The following HELLS variants were observed in gnomAD, a reference collection of about 807,000 sequenced individuals.
HELLS encodes the protein lymphoid-specific helicase.
A neutral mutation model predicts 120.0 loss-of-function variants in HELLS; 32 were observed. That is an observed-to-expected ratio of 0.27 (90% CI 0.20 to 0.36). The LOEUF (loss-of-function observed/expected upper bound fraction) is 0.36, where lower values mean the gene tolerates loss of function less well. Among genes scored for constraint, HELLS ranks in the 10% least tolerant of loss-of-function variants. The pLI, the probability that HELLS is intolerant of heterozygous loss-of-function variation, is 1.00. For missense variants in HELLS, 650 were observed against 993.4 expected (o/e 0.65, Z 4.65); for synonymous variants, 341 against 323.4 (o/e 1.05, Z -0.58).
intron 6 of HELLS, among the ~76,000 whole-genome samples, chr10:94,564,972 C>T (rs1370002007): frequency 6.6e-6 from 1 of 152,162 alleles, no homozygotes. Context: ...AACTCTAGCT[C>T]TTCAGAAGAA....
intron 2 of HELLS, among the ~76,000 whole-genome samples, chr10:94,550,355 T>C (rs1243667900): frequency 6.6e-6 from 1 of 152,116 alleles, no homozygotes; most frequent in East Asian, 1.9e-4. Flanking sequence ...CTTGGCTCAC[T>C]GCGACCTTCA....
rs186668734 is a variant in HELLS, at chr10:94,553,896, A to G, written c.154-230A>G. ...TTCCAACTCAGTAGTGCCAGAAACC[A>G]TGTGTTCAATATTTGAAATTATAAT... On this transcript the variant is annotated intron_variant, in intron 2 of 21. Transcript: ENST00000348459. Among the ~76,000 whole-genome samples the G allele has an allele frequency of 1.6e-3, 245 of 152,246 alleles. 1 individual carries two copies. Among genetic ancestry groups the G allele is most frequent in the Non-Finnish European group, 2.7e-3 (187 of 68,028 alleles).
rs779795210 is a variant in HELLS at position 94,590,704 on chromosome 10, G to A, written c.1695G>A (p.Met565Ile). 1.2e-6 allele frequency: 2 copies of A among 1,606,486 alleles called. No homozygotes were observed. The highest frequency in any genetic ancestry group is 2.2e-5 in the South Asian group (2 of 90,604). The part of the protein sequence containing the change: ...EVNLKLQNIM[M>I]LLRKCCNHPY... ...ATCTGAAGCTGCAGAATATAATGATGCTACTTCGTAAATGTTGTAATCATC... is the reference window on the plus strand; with the variant it reads ...ATCTGAAGCTGCAGAATATAATGATACTACTTCGTAAATGTTGTAATCATC... The change falls in exon 15 of 22, where the codon ATG becomes ATA. Residue 565 changes from methionine to isoleucine, a missense_variant. Physicochemically the swap from Met to Ile is conservative, Grantham distance 10. Transcript: ENST00000348459.
intron 4 of HELLS, among the ~76,000 whole-genome samples, chr10:94,559,168 G>T (rs1397322216): frequency 6.6e-6 from 1 of 152,118 alleles, no homozygotes; most frequent in Non-Finnish European, 1.5e-5. Flanking sequence ...TCAAACATGG[G>T]TTGCTGTTCT....
At chr10:94,596,418 T>C (rs1177395230) in intron 19 of HELLS, among the ~76,000 whole-genome samples, 1 of 152,152 alleles carries the variant, frequency 6.6e-6, no homozygotes, top group Non-Finnish European at 1.5e-5. Context: ...CTGATGAGTC[T>C]TTTTTCTGTT....
At chr10:94,577,857 C>T (rs988970939) in intron 10 of HELLS, among the ~76,000 whole-genome samples, 12 of 151,826 alleles carry the variant, frequency 7.9e-5, no homozygotes, top group African/African-American at 2.9e-4. Context: ...GTCAGGATAT[C>T]GAGACCATCC....
downstream of HELLS, among the ~76,000 whole-genome samples, chr10:94,606,567 C>T (rs1846132103): frequency 6.6e-6 from 1 of 151,804 alleles, no homozygotes; most frequent in Non-Finnish European, 1.5e-5. Flanking sequence ...CCAGGCTCGT[C>T]TTGAATTCCT....
chr10:94,606,368 A>G (rs989185254), downstream of HELLS, among the ~76,000 whole-genome samples: 10 of 151,678 alleles, frequency 6.6e-5, no homozygotes, highest in Non-Finnish European at 1.5e-4. Flanking sequence ...TGAATGAGAC[A>G]TGGTCTTGCT....
chr10:94,550,147 C>T (rs1283692127), intron 2 of HELLS, among the ~76,000 whole-genome samples: 2 of 151,728 alleles, frequency 1.3e-5, no homozygotes, highest in African/African-American at 4.8e-5. Flanking sequence ...CTCGAACTCC[C>T]AACCTCAGGT....
Position 94,572,242 on chromosome 10 carries a change from A to G in HELLS, c.477+813A>G, listed in dbSNP as rs1844213751. Among the ~76,000 whole-genome samples the G allele has an allele frequency of 4.0e-5, 6 of 151,432 alleles. No individual in the cohort carries two copies. The South Asian group carries it at 8.4e-4, about 21-fold the overall frequency. On this transcript the variant is annotated intron_variant, in intron 7 of 21. Transcript: ENST00000348459. The stretch of plus-strand genomic sequence containing the variant: ...TAGATGTAATCTTCTGTAATTTACT[A>G]TGGGATTTTGGCTTCATTTTATAAC...
At chr10:94,587,791 C>G (rs1286586870) in intron 12 of HELLS, among the ~76,000 whole-genome samples, 1 of 152,128 alleles carries the variant, frequency 6.6e-6, no homozygotes, top group Non-Finnish European at 1.5e-5. Flanking sequence ...TGTAGTCACC[C>G]TGTTGTGCTA....
At chr10:94,580,802 A>G (rs909602829) in intron 10 of HELLS, among the ~76,000 whole-genome samples, 1 of 152,106 alleles carries the variant, frequency 6.6e-6, no homozygotes, top group Non-Finnish European at 1.5e-5. Flanking sequence ...AATTTTCCTG[A>G]TTAAGATATA....
intron 6 of HELLS, among the ~76,000 whole-genome samples, chr10:94,565,810 T>TTA: frequency 6.6e-6 from 1 of 152,180 alleles, no homozygotes; most frequent in Non-Finnish European, 1.5e-5. Flanking sequence ...CATAGGTGGA[T>TTA]GAAATCCATT....
At chr10:94,583,703 TTGTGTAAACACG>T (rs200428876) in intron 12 of HELLS, among the ~76,000 whole-genome samples, 1,816 of 152,294 alleles carry the variant, frequency 0.012, 53 homozygotes, top group African/African-American at 0.042. Flanking sequence ...TTTTCTGTCT[TTGTGTAAACACG>T]TGTGTTTTAT....
intron 6 of HELLS, chr10:94,571,072 C>A: frequency 5.0e-6 from 1 of 198,058 alleles, no homozygotes; most frequent in Non-Finnish European, 1.0e-5. Context: ...GTTTGCTGAC[C>A]CCAGGACTAG....
chr10:94,594,895 C>T, intron 19 of HELLS, 41 bp downstream of exon 19: 2 of 1,435,978 alleles, frequency 1.4e-6, no homozygotes, highest in Non-Finnish European at 1.9e-6. Flanking sequence ...TTAAATTGTG[C>T]ATTGTGTGTT....
chr10:94,579,436 C>T (rs991457532), intron 10 of HELLS, among the ~76,000 whole-genome samples: 3 of 151,818 alleles, frequency 2.0e-5, no homozygotes, highest in Non-Finnish European at 2.9e-5. Flanking sequence ...CTCCTGCCCT[C>T]GTGATCCGCC....
rs1846156869 is a variant in HELLS, at chr10:94,608,835, C to G, written c.*1+809C>G. 5.9e-5 allele frequency among the ~76,000 whole-genome samples: 9 copies of G among 151,718 alleles called. No individual in the cohort carries two copies. The South Asian group carries it at 1.9e-3, about 32-fold the overall frequency. ...GGTGTTTTTTTAAATTTTTTTAAAG[C>G]CTTGTTTGCAAACTGTTGCAACTTC... On this transcript the variant is annotated intron_variant, in intron 9 of 9. Coordinates refer to the HELLS transcript ENST00000371327.
chr10:94,571,594 CTTTTT>C (rs2134046293), intron 7 of HELLS, among the ~76,000 whole-genome samples, 165 bp downstream of exon 7: 1 of 152,030 alleles, frequency 6.6e-6, no homozygotes, highest in East Asian at 1.9e-4. Flanking sequence ...CAACATTCTT[CTTTTT>C]TATGTATCAA....
Sources: gnomAD v4.1 joint callset for allele counts (sites outside exome capture counted in the v4.1 genomes callset) on GRCh38, gnomAD v4.1.1 for gene constraint, MANE v1.5 for transcripts, NCBI Gene and HGNC (gene_info 2026-07-23, HGNC 2026-07-21) for gene names.